PIEZO2: variants seen among roughly 807,000 people sequenced by gnomAD.
PIEZO2 encodes piezo type mechanosensitive ion channel component 2.
Under a neutral mutation model 337.3 loss-of-function variants are expected in PIEZO2, and 172 were observed. The ratio of observed to expected loss-of-function variants is 0.51; its 90% CI spans 0.45 to 0.58. The LOEUF (loss-of-function observed/expected upper bound fraction) is 0.58, where lower values mean the gene tolerates loss of function less well. Ranked by LOEUF, PIEZO2 falls within the 20% of genes least tolerant of loss-of-function variation. The pLI is 0.00. For missense variants in PIEZO2, 3,028 were observed against 3,391.3 expected (o/e 0.89, Z 2.66); for synonymous variants, 1,251 against 1,228.5 (o/e 1.02, Z -0.38).
At chr18:10,844,417 C>G (rs1046414330) in intron 7 of PIEZO2, among the ~76,000 whole-genome samples, 4 of 75,042 alleles carry the variant, frequency 5.3e-5, no homozygotes, top group Admixed American at 1.4e-4. Flanking sequence ...GAGACTGTCT[C>G]AAAAGATAAA....
intron 13 of PIEZO2, among the ~76,000 whole-genome samples, chr18:10,793,021 C>T (rs569550654): frequency 1.8e-4 from 27 of 152,048 alleles, no homozygotes; most frequent in Non-Finnish European, 2.8e-4. Context: ...TTTGGGAGGC[C>T]GAGGCAGGTG....
chr18:11,036,039 C>T (rs1200952226), intron 2 of PIEZO2, among the ~76,000 whole-genome samples: 3 of 152,192 alleles, frequency 2.0e-5, no homozygotes, highest in Admixed American at 6.5e-5. Flanking sequence ...CTCTGTCCCT[C>T]ATCCAGAGAA....
intron 4 of PIEZO2, among the ~76,000 whole-genome samples, chr18:10,889,212 G>T (rs967702263): frequency 4.6e-5 from 7 of 152,170 alleles, no homozygotes; most frequent in Non-Finnish European, 1.5e-5. Flanking sequence ...CCTTCCCCAA[G>T]TACTATCAGT....
chr18:10,947,164 G>T (rs939785328), intron 3 of PIEZO2, among the ~76,000 whole-genome samples: 2 of 151,988 alleles, frequency 1.3e-5, no homozygotes, highest in African/African-American at 4.8e-5. Context: ...AAAAAAATCT[G>T]TAGAAAAAAA....
At chr18:11,059,377 T>C (rs935790497) in intron 2 of PIEZO2, among the ~76,000 whole-genome samples, 3 of 152,158 alleles carry the variant, frequency 2.0e-5, no homozygotes, top group African/African-American at 7.2e-5. Flanking sequence ...GCTAACATCA[T>C]AATGACAGGA....
rs1232505574 is a variant in PIEZO2, at chr18:11,021,641, G to A, written c.161-41981C>T. On this transcript the variant is annotated intron_variant, in intron 2 of 55. Coordinates refer to ENST00000674853, the MANE Select transcript of PIEZO2 (RefSeq NM_001378183.1). This position sits in a 1 kb window ranked among gnomAD's most constrained non-coding sequence, Gnocchi z 4.7. ...GGGGGACTTTGAGTCTCACGGATCT[G>A]GTGATCCAGCACACAGCTCGTGCTG... is the stretch of plus-strand genomic sequence containing the variant. Among the ~76,000 whole-genome samples the A allele has an allele frequency of 6.6e-6, 1 of 152,178 alleles. No homozygotes were observed. Among genetic ancestry groups the A allele is most frequent in the Non-Finnish European group, 1.5e-5 (1 of 68,036 alleles).
At chr18:10,913,095 C>T (rs955701955) in intron 3 of PIEZO2, among the ~76,000 whole-genome samples, 4 of 152,116 alleles carry the variant, frequency 2.6e-5, no homozygotes, top group African/African-American at 7.2e-5. Context: ...GAATCCCTTT[C>T]TCAGGAATTC....
intron 7 of PIEZO2, among the ~76,000 whole-genome samples, chr18:10,851,086 G>A (rs990819851): frequency 1.3e-5 from 2 of 150,798 alleles, no homozygotes; most frequent in Non-Finnish European, 3.0e-5. Context: ...CCCACCCATG[G>A]TGATTTTCTT....
At chr18:10,776,903 C>T (rs2038809694) in intron 18 of PIEZO2, among the ~76,000 whole-genome samples, 1 of 152,160 alleles carries the variant, frequency 6.6e-6, no homozygotes, top group African/African-American at 2.4e-5. Context: ...CTGGAAACTT[C>T]AGGCTAAAGA....
At chr18:10,842,890 C>G (rs2144616370) in intron 7 of PIEZO2, among the ~76,000 whole-genome samples, 1 of 152,350 alleles carries the variant, frequency 6.6e-6, no homozygotes, top group South Asian at 2.1e-4. Flanking sequence ...GTCAAGTTGT[C>G]TTAGCAGAAA....
rs550530332 is a variant in PIEZO2, at chr18:10,872,582, C to A, written c.330-1167G>T. Among the ~76,000 whole-genome samples the A allele has an allele frequency of 3.4e-5, 5 of 146,688 alleles. No homozygotes were observed. The highest frequency in any genetic ancestry group is 1.4e-4 in the African/African-American group (5 of 36,200). On this transcript the variant is annotated intron_variant, in intron 4 of 55. Coordinates refer to ENST00000674853, the MANE Select transcript of PIEZO2 (RefSeq NM_001378183.1). This position sits in a 1 kb window ranked among gnomAD's most constrained non-coding sequence, Gnocchi z 4.3. ...TTCTCACACCATTCAGCACACGACA[C>A]GGGCCAGCCATGTCCCTCATCCGGT...
chr18:10,742,733 A>G (rs976792645), intron 31 of PIEZO2, 118 bp from the exon 32 acceptor site: 1 of 1,070,280 alleles, frequency 9.3e-7, no homozygotes. Context: ...CTACTTTGGA[A>G]TACTTGTGAA....
At chr18:10,818,113 C>T (rs561746303) in intron 7 of PIEZO2, among the ~76,000 whole-genome samples, 18 of 152,058 alleles carry the variant, frequency 1.2e-4, no homozygotes, top group African/African-American at 4.3e-4. Flanking sequence ...GATTCTGGAA[C>T]ATCAACAAGG....
chr18:11,145,805 G>A (rs2040794854), intron 1 of PIEZO2, among the ~76,000 whole-genome samples: 2 of 152,298 alleles, frequency 1.3e-5, no homozygotes, highest in South Asian at 4.1e-4. Flanking sequence ...TTTCCAGAAT[G>A]CAGGTTATCT....
chr18:10,914,146 TA>T (rs1405105259), intron 3 of PIEZO2, among the ~76,000 whole-genome samples: 1 of 152,196 alleles, frequency 6.6e-6, no homozygotes, highest in Non-Finnish European at 1.5e-5. Context: ...AAGGTAATAT[TA>T]TTCACTTTCG....
intron 7 of PIEZO2, among the ~76,000 whole-genome samples, chr18:10,851,019 C>T (rs1359350048): frequency 1.3e-5 from 2 of 152,040 alleles, no homozygotes; most frequent in Non-Finnish European, 2.9e-5. Context: ...CTTTATCTAT[C>T]CAGGAAGTGA....
At chr18:10,737,758 G>A (rs967926346) in intron 33 of PIEZO2, 1 of 152,184 alleles carries the variant, frequency 6.6e-6, no homozygotes, top group Admixed American at 6.5e-5. Context: ...CATTTCTGAT[G>A]CTACAAGCAA....
chr18:10,941,359 A>G lies in PIEZO2; in HGVS notation c.287-30131T>C, dbSNP rs147521188. ...GAGATGATTATCAATCCCCGCTTAC[A>G]CCCCAAGTAGACAGTACAAATGAAG... On this transcript the variant is annotated intron_variant, in intron 3 of 55. Coordinates refer to ENST00000674853, the MANE Select transcript of PIEZO2 (RefSeq NM_001378183.1). Among the ~76,000 whole-genome samples the G allele has an allele frequency of 3.3e-5, 5 of 152,252 alleles. 1 individual carries two copies. In the East Asian group the frequency reaches 9.6e-4, roughly 29 times the overall value.
chr18:10,699,175 G>T lies in PIEZO2; in HGVS notation c.6444C>A (p.Cys2148Ter), dbSNP rs1233037811. The part of the protein sequence containing the change: ...ALFFHRSILK[C>*]HGLWDEDDMT... ...TGTCATCTTCATCCCATAAGCCATGGCACTGAGAAAGCAGGGACAGGGACA... is the reference window on the plus strand; with the variant it reads ...TGTCATCTTCATCCCATAAGCCATGTCACTGAGAAAGCAGGGACAGGGACA... Residue 2148 changes from cysteine (C) to a stop codon, truncating the protein, a stop_gained and splice_region_variant, in exon 44 of 56, where the codon TGC (cysteine) becomes TGA (stop). Coordinates refer to ENST00000674853, the MANE Select transcript of PIEZO2 (RefSeq NM_001378183.1). LOFTEE classifies it high-confidence loss of function. 1 of 1,537,116 alleles carries T rather than the reference G, an allele frequency of 6.5e-7. No homozygotes were observed. The highest frequency in any genetic ancestry group is 8.7e-7 in the Non-Finnish European group (1 of 1,146,918).
Sources: gnomAD v4.1 joint callset for allele counts (sites outside exome capture counted in the v4.1 genomes callset) on GRCh38, gnomAD v4.1.1 for gene constraint, Gnocchi (gnomAD v3.1) non-coding constraint, MANE v1.5 for transcripts, NCBI Gene and HGNC (gene_info 2026-07-23, HGNC 2026-07-21) for gene names.